The following PARD3B variants were observed in gnomAD, a reference collection of about 807,000 sequenced individuals.
The protein encoded by PARD3B is partitioning defective 3 homolog B.
A neutral mutation model predicts 130.2 loss-of-function variants in PARD3B; 103 were observed. The ratio of observed to expected loss-of-function variants is 0.79; its 90% CI spans 0.67 to 0.93. The LOEUF is 0.93. Among genes scored for constraint, PARD3B ranks in the 40% least tolerant of loss-of-function variants. PARD3B has a pLI of 0.00. For missense variants in PARD3B, 1,609 were observed against 1,499.2 expected (o/e 1.07, Z -1.21); for synonymous variants, 583 against 553.2 (o/e 1.05, Z -0.76).
chr2:205,399,023 C>T (rs1288950108), intron 18 of PARD3B, among the ~76,000 whole-genome samples: 3 of 152,058 alleles, frequency 2.0e-5, no homozygotes, highest in Non-Finnish European at 2.9e-5. Flanking sequence ...AATCCCAGCA[C>T]TTTGGGAGGC....
At chr2:205,484,836 T>A (rs538962055) in intron 20 of PARD3B, among the ~76,000 whole-genome samples, 1 of 152,304 alleles carries the variant, frequency 6.6e-6, no homozygotes, top group East Asian at 1.9e-4. Flanking sequence ...TGACATCATG[T>A]TTATTGAAAA....
At chr2:204,565,205 T>C (rs985502419) in intron 1 of PARD3B, among the ~76,000 whole-genome samples, 1 of 152,226 alleles carries the variant, frequency 6.6e-6, no homozygotes, top group South Asian at 2.1e-4. Flanking sequence ...TCATGTGGGC[T>C]TTCTTAACCC....
chr2:204,691,983 C>A (rs1324585661), intron 2 of PARD3B, among the ~76,000 whole-genome samples: 2 of 152,124 alleles, frequency 1.3e-5, no homozygotes, highest in African/African-American at 4.8e-5. Flanking sequence ...ACATAAGGAG[C>A]ATTTGGAGAT....
At chr2:205,025,956 C>T (rs1469392249) in intron 3 of PARD3B, among the ~76,000 whole-genome samples, 4 of 152,222 alleles carry the variant, frequency 2.6e-5, no homozygotes, top group African/African-American at 7.2e-5. Flanking sequence ...TCACAACTAC[C>T]TCTGTTCCTT....
intron 2 of PARD3B, among the ~76,000 whole-genome samples, chr2:204,895,199 G>A (rs1349008810): frequency 6.6e-6 from 1 of 152,020 alleles, no homozygotes; most frequent in East Asian, 1.9e-4. Flanking sequence ...GAGGCATTAG[G>A]TTATGTTAGA....
rs140592262 is a variant in PARD3B, at chr2:205,525,375, G to T, written c.3180+25344G>T. 6.6e-6 allele frequency among the ~76,000 whole-genome samples: 1 copy of T among 152,058 alleles called. No individual in the cohort carries two copies. Among genetic ancestry groups the T allele is most frequent in the African/African-American group, 2.4e-5 (1 of 41,400 alleles). ...TAAGCTGGAAAGGCCAAAGAAATTCGGAGGATTAAGAGGTTTTTTTGTTTT... is the reference window on the plus strand; with the variant it reads ...TAAGCTGGAAAGGCCAAAGAAATTCTGAGGATTAAGAGGTTTTTTTGTTTT... On this transcript the variant is annotated intron_variant, in intron 21 of 22. Transcript: ENST00000406610. The surrounding 1 kb of genome is among the most constrained non-coding windows in gnomAD (Gnocchi z 4.2).
chr2:205,593,311 A>C (rs2054455103), intron 22 of PARD3B, among the ~76,000 whole-genome samples: 1 of 152,134 alleles, frequency 6.6e-6, no homozygotes, highest in African/African-American at 2.4e-5. Flanking sequence ...TTATTGTTTA[A>C]ATGGTGGTGA....
intron 15 of PARD3B, among the ~76,000 whole-genome samples, chr2:205,210,272 C>T (rs1413998926): frequency 6.6e-6 from 1 of 151,922 alleles, no homozygotes; most frequent in Non-Finnish European, 1.5e-5. Flanking sequence ...TTTAGTCTTA[C>T]ATATTTTTAT....
chr2:205,029,796 A>G (rs1697297607), intron 3 of PARD3B, among the ~76,000 whole-genome samples: 1 of 152,158 alleles, frequency 6.6e-6, no homozygotes, highest in African/African-American at 2.4e-5. Context: ...ACAGGACATA[A>G]AACTCCAAAA....
chr2:204,586,528 T>G (rs1405029509), intron 1 of PARD3B, among the ~76,000 whole-genome samples: 1 of 152,212 alleles, frequency 6.6e-6, no homozygotes, highest in Middle Eastern at 3.2e-3. Flanking sequence ...GTTTCTAATT[T>G]CTAGCCTTTT....
At chr2:204,902,483 C>T (rs1293171468) in intron 2 of PARD3B, among the ~76,000 whole-genome samples, 2 of 152,016 alleles carry the variant, frequency 1.3e-5, no homozygotes, top group African/African-American at 4.8e-5. Flanking sequence ...TCCTGGCTAA[C>T]ACGGTGAGAC....
At chr2:205,417,683 C>A (rs1363060669) in intron 19 of PARD3B, among the ~76,000 whole-genome samples, 1 of 152,158 alleles carries the variant, frequency 6.6e-6, no homozygotes, top group Non-Finnish European at 1.5e-5. Flanking sequence ...CTTTGCATCT[C>A]ATCCTCATGG....
chr2:205,513,591 G>C (rs980586411), intron 21 of PARD3B, among the ~76,000 whole-genome samples: 2 of 152,090 alleles, frequency 1.3e-5, no homozygotes, highest in African/African-American at 4.8e-5. Context: ...GAAAAGAATA[G>C]TCATTTTCAC....
intron 1 of PARD3B, among the ~76,000 whole-genome samples, chr2:204,662,581 T>G (rs1043425409): frequency 6.6e-6 from 1 of 152,232 alleles, no homozygotes; most frequent in Admixed American, 6.5e-5. Context: ...GTGCTTCATG[T>G]GTACTTCCTA....
intron 2 of PARD3B, among the ~76,000 whole-genome samples, chr2:204,862,973 G>T (rs184909774): frequency 3.1e-4 from 47 of 152,248 alleles, no homozygotes; most frequent in African/African-American, 1.0e-3. Context: ...ACTGCAAATG[G>T]CGCAAACCTC....
chr2:205,472,441 A>G (rs2048867966), intron 20 of PARD3B, among the ~76,000 whole-genome samples: 1 of 152,182 alleles, frequency 6.6e-6, no homozygotes, highest in Non-Finnish European at 1.5e-5. Flanking sequence ...TTTAGAGTAC[A>G]TAGGGGCCAT....
chr2:205,362,044 T>G (rs1374411230), intron 18 of PARD3B, among the ~76,000 whole-genome samples: 1 of 152,158 alleles, frequency 6.6e-6, no homozygotes, highest in Non-Finnish European at 1.5e-5. Context: ...CTGAACCTAT[T>G]CAAACCCATT....
At chr2:205,170,319 C>T (rs1401878071) in intron 11 of PARD3B, among the ~76,000 whole-genome samples, 1 of 152,088 alleles carries the variant, frequency 6.6e-6, no homozygotes, top group Non-Finnish European at 1.5e-5. Context: ...TCTTGTTTGG[C>T]CTTTCCTGTA....
rs1213663812 is a variant in PARD3B, at chr2:204,998,390, A to G, written c.394+33067A>G. On this transcript the variant is annotated intron_variant, in intron 3 of 22. Transcript: ENST00000406610. ...TGTGTGTGTGTATATATGTGTGTGT[A>G]TATATGTATATATGTGTATATATAT... Among the ~76,000 whole-genome samples, 5 of 74,130 alleles carry G rather than the reference A, an allele frequency of 6.7e-5. 2 individuals carry two copies. The highest frequency in any genetic ancestry group is 1.7e-4 in the African/African-American group (3 of 17,182). 48.6% of individuals were successfully genotyped at this position (74,130 alleles called of 152,430 possible).
Sources: gnomAD v4.1 joint callset for allele counts (sites outside exome capture counted in the v4.1 genomes callset) on GRCh38, gnomAD v4.1.1 for gene constraint, Gnocchi (gnomAD v3.1) non-coding constraint, MANE v1.5 for transcripts, NCBI Gene and HGNC (gene_info 2026-07-23, HGNC 2026-07-21) for gene names.